AHNAK: variants seen among roughly 807,000 people sequenced by gnomAD.
AHNAK encodes the protein AHNAK nucleoprotein.
AHNAK carries 23 observed loss-of-function variants against 37.8 expected under a neutral mutation model. That is an observed-to-expected ratio of 0.61 (90% CI 0.44 to 0.86). The LOEUF (loss-of-function observed/expected upper bound fraction) is 0.86, where lower values mean the gene tolerates loss of function less well. Among genes scored for constraint, AHNAK ranks in the 40% least tolerant of loss-of-function variants. The pLI, the probability that AHNAK is intolerant of heterozygous loss-of-function variation, is 0.00. For missense variants in AHNAK, 7,411 were observed against 7,319.4 expected (o/e 1.01, Z -0.46); for synonymous variants, 2,481 against 2,636.3 (o/e 0.94, Z 1.80).
At position 62,531,385 on chromosome 11, in the gene AHNAK, A is replaced by T; in HGVS notation, c.3032T>A (p.Leu1011His). The T allele has an allele frequency of 6.2e-7, 1 of 1,614,084 alleles. No homozygotes were observed. Among genetic ancestry groups the T allele is most frequent in the African/African-American group, 1.3e-5 (1 of 75,002 alleles). ...ATCAAATTCTGGCCCCTCTCCTTTG[A>T]GGCTGGGCATGCTAAATTTGGGCAT... ...IKMPKFSMPS[L>H]KGEGPEFDVN... The change falls in exon 5 of 5, where the codon CTC becomes CAC. Residue 1011 changes from leucine (L) to histidine (H), a missense_variant. Physicochemically the swap from Leu to His is moderately conservative, Grantham distance 99. Transcript: ENST00000378024.
intron 4 of AHNAK, chr11:62,491,898 T>G: frequency 7.1e-7 from 1 of 1,408,212 alleles, no homozygotes; most frequent in Non-Finnish European, 9.9e-7. Context: ...ACTTTTCAAA[T>G]GCCTACTATG....
chr11:62,460,543 C>G (rs530393931), intron 5 of AHNAK, among the ~76,000 whole-genome samples: 3 of 152,184 alleles, frequency 2.0e-5, no homozygotes, highest in Admixed American at 2.0e-4. Context: ...TTTCAAACAG[C>G]TTTTGGGTTG....
rs1353778691 is a variant in AHNAK at position 62,526,009 on chromosome 11, T to A, written c.8408A>T (p.Asp2803Val). Reference protein sequence around the residue: ...ADIDVSGPKVDVECPDVNIEG... With the variant: ...ADIDVSGPKVVVECPDVNIEG... The stretch of plus-strand genomic sequence containing the variant: ...GATATTCACATCGGGACATTCAACA[T>A]CCACTTTCGGTCCTGAGACATCAAT... The change falls in exon 5 of 5, where the codon GAT (aspartate) becomes GTT (valine). Residue 2803 changes from aspartate to valine, a missense_variant. Asp to Val is a radical substitution (Grantham distance 152). Coordinates refer to ENST00000378024, the MANE Select transcript of AHNAK (RefSeq NM_001620.3). 1.2e-6 allele frequency: 2 copies of A among 1,613,878 alleles called. No homozygotes were observed. The highest frequency in any genetic ancestry group is 4.5e-5 in the East Asian group (2 of 44,864).
chr11:62,503,402 A>G (rs536784849), intron 4 of AHNAK, among the ~76,000 whole-genome samples: 23 of 152,248 alleles, frequency 1.5e-4, no homozygotes, highest in Middle Eastern at 3.4e-3. Context: ...CCTGGCCAAC[A>G]TGGTGAAACC....
intron 4 of AHNAK, among the ~76,000 whole-genome samples, chr11:62,510,131 C>A (rs1939882651): frequency 6.6e-6 from 1 of 151,818 alleles, no homozygotes; most frequent in Admixed American, 6.6e-5. Context: ...AGTCTCAGCT[C>A]ACTGCAACCT....
Position 62,530,946 on chromosome 11 carries a change from GACA to G in AHNAK, c.3468_3470del (p.Val1157del). The stretch of plus-strand genomic sequence containing the variant: ...CTTCGATGTCCACCTTGGGTCCTGA[GACA>G]ACAACGTCAGCCTTAGGCAAGTTCA... On this transcript the variant is annotated inframe_deletion, in exon 5 of 5. Coordinates refer to ENST00000378024, the MANE Select transcript of AHNAK (RefSeq NM_001620.3). 1.9e-6 allele frequency: 3 copies of G among 1,613,712 alleles called. No individual in the cohort carries two copies. Among genetic ancestry groups the G allele is most frequent in the Non-Finnish European group, 2.5e-6 (3 of 1,179,956 alleles).
intron 5 of AHNAK, among the ~76,000 whole-genome samples, chr11:62,477,323 G>A (rs1263911528): frequency 6.6e-6 from 1 of 152,172 alleles, no homozygotes; most frequent in Non-Finnish European, 1.5e-5. Flanking sequence ...CAAATACATG[G>A]TCTGAAGCCG....
At chr11:62,508,303 G>C (rs2134179848) in intron 4 of AHNAK, among the ~76,000 whole-genome samples, 1 of 152,162 alleles carries the variant, frequency 6.6e-6, no homozygotes, top group South Asian at 2.1e-4. Context: ...GATCGATTTT[G>C]GCCAAGTCAC....
In AHNAK at chr11:62,527,723, C is replaced by T. The variant is rs750778666; in HGVS notation, c.6694G>A (p.Val2232Met). ...TGCCAGTCTGGGCCATGAACATCCA[C>T]ATCTGGGGCATCAATGTCCACTTTG... is the stretch of plus-strand genomic sequence containing the variant. ...GPKVDIDAPD[V>M]DVHGPDWHLK... Residue 2232 changes from valine to methionine, a missense_variant, in exon 5 of 5, where the codon GTG becomes ATG. Coordinates refer to ENST00000378024, the MANE Select transcript of AHNAK (RefSeq NM_001620.3). The T allele has an allele frequency of 3.1e-6, 5 of 1,614,090 alleles. No homozygotes were observed. The highest frequency in any genetic ancestry group is 4.2e-6 in the Non-Finnish European group (5 of 1,180,024).
intron 4 of AHNAK, among the ~76,000 whole-genome samples, chr11:62,500,874 C>T (rs1168889082): frequency 2.0e-5 from 3 of 152,152 alleles, no homozygotes; most frequent in African/African-American, 4.8e-5. Flanking sequence ...AGTTTTTTCC[C>T]CCTTGACAAC....
In AHNAK at chr11:62,517,830, A is replaced by C; in HGVS notation, c.16587T>G (p.Gly5529=). ...CAGCCCCATGGAAACCTACTTCTGAACCTTTCAGACCACCTTTGATTTCAG... is the reference window on the plus strand; with the variant it reads ...CAGCCCCATGGAAACCTACTTCTGACCCTTTCAGACCACCTTTGATTTCAG... The part of the protein sequence containing the change: ...SGPEIKGGLK[G]SEVGFHGAAP... The change falls in exon 5 of 5, where the codon GGT becomes GGG. Residue 5529 remains glycine (G), a synonymous_variant. Transcript: ENST00000378024. The C allele has an allele frequency of 6.2e-7, 1 of 1,614,134 alleles. No homozygotes were observed.
At chr11:62,452,104 AC>A (rs1174509562) in intron 5 of AHNAK, among the ~76,000 whole-genome samples, 2 of 151,850 alleles carry the variant, frequency 1.3e-5, no homozygotes, top group Non-Finnish European at 2.9e-5. Context: ...GAGCCACCGC[AC>A]CCAGCCTGCA....
rs373448822 is a variant in AHNAK, at chr11:62,516,983, T to C, written c.17434A>G (p.Lys5812Glu). 6.2e-7 allele frequency: 1 copy of C among 1,614,092 alleles called. No homozygotes were observed. The highest frequency in any genetic ancestry group is 1.3e-5 in the African/African-American group (1 of 74,928). ...AGCTTCCCGTGTTTCCCTTTAACTT[T>C]CCCACCTTCCAGAGACACTTCCCCA... Reference protein sequence around the residue: ...EGGEVSLEGGKVKGKHGKLKF... With the variant: ...EGGEVSLEGGEVKGKHGKLKF... Residue 5812 changes from lysine to glutamate, a missense_variant, in exon 5 of 5, where the codon AAA (lysine) becomes GAA (glutamate). Lys to Glu is a moderately conservative substitution (Grantham distance 56). Coordinates refer to ENST00000378024, the MANE Select transcript of AHNAK (RefSeq NM_001620.3).
At chr11:62,440,453 C>T (rs1938280516) in intron 5 of AHNAK, among the ~76,000 whole-genome samples, 3 of 152,078 alleles carry the variant, frequency 2.0e-5, no homozygotes, top group Admixed American at 1.3e-4. Context: ...AGAAACAACC[C>T]GTGGCTGGCC....
rs760510389 is a variant in AHNAK at position 62,517,675 on chromosome 11, A to T, written c.16742T>A (p.Ile5581Asn). 2 of 1,614,056 alleles carry T rather than the reference A, an allele frequency of 1.2e-6. No individual in the cohort carries two copies. The highest frequency in any genetic ancestry group is 8.5e-7 in the Non-Finnish European group (1 of 1,180,032). ...ACTCAAATGCCCTTCACCAAGGCTG[A>T]TGTCTGGGGCACTGACACCCCCTGA... ...DVSGGVSAPD[I>N]SLGEGHLSVK... is the part of the protein sequence containing the mutation. The change falls in exon 5 of 5, where the codon ATC becomes AAC. Residue 5581 changes from isoleucine (I) to asparagine (N), a missense_variant. By Grantham distance (149) the Ile-to-Asn change is moderately radical. Transcript: ENST00000378024.
At chr11:62,436,870 C>T (rs1266955538) in intron 5 of AHNAK, among the ~76,000 whole-genome samples, 15 of 151,592 alleles carry the variant, frequency 9.9e-5, no homozygotes, top group Admixed American at 4.0e-4. Flanking sequence ...ACCCAGGAGG[C>T]GGAGCTTGCA....
At chr11:62,498,284 C>T (rs10897285) in intron 4 of AHNAK, among the ~76,000 whole-genome samples, 15,764 of 151,940 alleles carry the variant, frequency 0.1, 1,729 homozygotes, top group African/African-American at 0.28. Context: ...GGGCACATGC[C>T]AAGATGAAGC....
chr11:62,440,867 T>C (rs1938292134), intron 5 of AHNAK, among the ~76,000 whole-genome samples: 1 of 152,298 alleles, frequency 6.6e-6, no homozygotes, highest in South Asian at 2.1e-4. Context: ...CTAAACACTT[T>C]ATAAATACTA....
In AHNAK at chr11:62,521,122, T is replaced by G. The variant is rs374569927; in HGVS notation, c.13295A>C (p.Asp4432Ala). The G allele has an allele frequency of 6.2e-7, 1 of 1,614,008 alleles. No individual in the cohort carries two copies. ...KGPSLDIDTPDVNIEGPEGKL... is the reference protein window; with the variant it reads ...KGPSLDIDTPAVNIEGPEGKL... ...TCCTTCCGGACCTTCAATATTGACA[T>G]CAGGTGTGTCAATGTCCAAACTGGG... is the stretch of plus-strand genomic sequence containing the variant. The change falls in exon 5 of 5, where the codon GAT becomes GCT. Residue 4432 changes from aspartate to alanine, a missense_variant. By Grantham distance (126) the Asp-to-Ala change is moderately radical. Transcript: ENST00000378024.
Sources: gnomAD v4.1 joint callset for allele counts (sites outside exome capture counted in the v4.1 genomes callset) on GRCh38, gnomAD v4.1.1 for gene constraint, MANE v1.5 for transcripts, NCBI Gene and HGNC (gene_info 2026-07-23, HGNC 2026-07-21) for gene names.